Variants in COMMD1 observed in about 807,000 individuals in gnomAD.
COMMD1 encodes COMM domain-containing protein 1.
In COMMD1, 10 loss-of-function variants were observed where a neutral mutation model predicts 17.2. The ratio of observed to expected loss-of-function variants is 0.58; its 90% confidence interval spans 0.36 to 0.99. The LOEUF (loss-of-function observed/expected upper bound fraction) is 0.99. Ranked by LOEUF, COMMD1 falls within the 50% of genes least tolerant of loss-of-function variation. COMMD1 has a pLI of 0.01. For missense variants in COMMD1, 270 were observed against 231.8 expected (o/e 1.17, Z -1.07); for synonymous variants, 97 against 91.6 (o/e 1.06, Z -0.34).
Position 61,949,734 on chromosome 2 carries a change from G to A in COMMD1, c.180+43876G>A, listed in dbSNP as rs1254446073. On this transcript the variant is annotated intron_variant, in intron 1 of 2. Transcript: ENST00000311832. ...CAAAAGTGAGATACTTTTGACACTG[G>A]GTAGGTGATGCTGAAATGGGATTCC... Among the ~76,000 whole-genome samples the A allele has an allele frequency of 2.0e-5, 3 of 152,226 alleles. No homozygotes were observed. In the South Asian group the frequency reaches 6.2e-4, roughly 31 times the overall value.
At chr2:62,033,734 A>G (rs1669969915) in intron 2 of COMMD1, among the ~76,000 whole-genome samples, 1 of 152,206 alleles carries the variant, frequency 6.6e-6, no homozygotes, top group Non-Finnish European at 1.5e-5. Context: ...ATTAGATAGC[A>G]CATTAGAGAG....
intron 1 of COMMD1, among the ~76,000 whole-genome samples, chr2:61,969,776 A>C (rs185959190): frequency 6.6e-6 from 1 of 152,140 alleles, no homozygotes; most frequent in Non-Finnish European, 1.5e-5. Context: ...GCAAATATTT[A>C]TGTCTCAGGT....
intron 2 of COMMD1, among the ~76,000 whole-genome samples, chr2:62,073,366 GCTTTAT>G (rs1343690171): frequency 6.6e-6 from 1 of 152,122 alleles, no homozygotes; most frequent in Non-Finnish European, 1.5e-5. Context: ...TACCCATGAG[GCTTTAT>G]GTATATAACA....
intron 2 of COMMD1, among the ~76,000 whole-genome samples, chr2:62,080,093 A>G (rs1217149834): frequency 3.9e-5 from 6 of 152,124 alleles, no homozygotes; most frequent in African/African-American, 1.4e-4. Context: ...TCTTGTACCT[A>G]CCTATGGTAA....
intron 1 of COMMD1, among the ~76,000 whole-genome samples, chr2:61,948,862 G>A (rs1670981132): frequency 6.6e-6 from 1 of 152,204 alleles, no homozygotes; most frequent in South Asian, 2.1e-4. Context: ...TCTCCCTAGG[G>A]AAGGAGCAGA....
chr2:62,019,037 C>T (rs1669532751), intron 2 of COMMD1, among the ~76,000 whole-genome samples: 1 of 142,098 alleles, frequency 7.0e-6, no homozygotes, highest in African/African-American at 2.7e-5. Context: ...CTCCCTCCCT[C>T]CCTCCCTCCT....
At chr2:62,129,006 G>A (rs1415794504) in intron 2 of COMMD1, among the ~76,000 whole-genome samples, 1 of 151,572 alleles carries the variant, frequency 6.6e-6, no homozygotes, top group East Asian at 1.9e-4. Flanking sequence ...TCAAATATTG[G>A]TTCTAGCTTA....
intron 2 of COMMD1, among the ~76,000 whole-genome samples, chr2:62,037,472 T>A (rs1335799009): frequency 1.3e-5 from 2 of 152,238 alleles, no homozygotes; most frequent in Non-Finnish European, 2.9e-5. Context: ...TTATTTCCAT[T>A]AATATATATT....
intron 2 of COMMD1, among the ~76,000 whole-genome samples, chr2:62,066,222 C>T (rs962760923): frequency 6.6e-6 from 1 of 152,108 alleles, no homozygotes; most frequent in African/African-American, 2.4e-5. Flanking sequence ...CACAGATACT[C>T]CCTACCCCAC....
Position 61,951,786 on chromosome 2 carries a change from G to A in COMMD1, c.180+45928G>A, listed in dbSNP as rs189019527. Among the ~76,000 whole-genome samples the A allele has an allele frequency of 1.9e-3, 282 of 152,118 alleles. 1 individual carries two copies. The highest frequency in any genetic ancestry group is 6.8e-3 in the Middle Eastern group (2 of 294). On this transcript the variant is annotated intron_variant, in intron 1 of 2. Transcript: ENST00000311832. ...TCTCCAGTGTCCCTTTAAAAATTTCGCCCTTGATTCTCCCCAAACCATCCC... is the reference window on the plus strand; with the variant it reads ...TCTCCAGTGTCCCTTTAAAAATTTCACCCTTGATTCTCCCCAAACCATCCC...
chr2:61,963,476 C>A (rs1462743019), intron 1 of COMMD1, among the ~76,000 whole-genome samples: 2 of 152,046 alleles, frequency 1.3e-5, no homozygotes, highest in African/African-American at 4.8e-5. Flanking sequence ...CCTGTCTCAG[C>A]CTCCTGAGTG....
chr2:62,048,690 T>A, intron 2 of COMMD1, among the ~76,000 whole-genome samples: 1 of 148,014 alleles, frequency 6.8e-6, no homozygotes, highest in Admixed American at 6.7e-5. Context: ...TTTTTCTCGT[T>A]TTTTTTTTTA....
intron 1 of COMMD1, among the ~76,000 whole-genome samples, chr2:61,931,735 A>T (rs1045198498): frequency 6.6e-6 from 1 of 152,212 alleles, no homozygotes; most frequent in African/African-American, 2.4e-5. Context: ...GCTCACTGCT[A>T]CTTGACATAA....
intron 1 of COMMD1, among the ~76,000 whole-genome samples, chr2:61,911,839 C>T (rs1408713976): frequency 1.3e-5 from 2 of 152,184 alleles, no homozygotes; most frequent in Non-Finnish European, 2.9e-5. Context: ...TGCCCTAGGC[C>T]ACAGGTCCTT....
intron 2 of COMMD1, among the ~76,000 whole-genome samples, chr2:62,109,173 C>T (rs1672390812): frequency 6.6e-6 from 1 of 152,174 alleles, no homozygotes; most frequent in Non-Finnish European, 1.5e-5. Context: ...TATTTCCTAT[C>T]TCTTAATTGA....
chr2:62,051,452 A>G (rs2103918538), intron 2 of COMMD1, among the ~76,000 whole-genome samples: 1 of 152,338 alleles, frequency 6.6e-6, no homozygotes, highest in South Asian at 2.1e-4. Flanking sequence ...TTTTTCATAT[A>G]TGCATCTTAA....
At chr2:62,012,507 G>A (rs527975850) in intron 2 of COMMD1, among the ~76,000 whole-genome samples, 1 of 151,812 alleles carries the variant, frequency 6.6e-6, no homozygotes, top group Non-Finnish European at 1.5e-5. Context: ...TAGTAGAGAC[G>A]GGGTTTCTCC....
At chr2:61,972,743 C>T (rs901136409) in intron 1 of COMMD1, among the ~76,000 whole-genome samples, 3 of 152,202 alleles carry the variant, frequency 2.0e-5, no homozygotes, top group Non-Finnish European at 2.9e-5. Flanking sequence ...TCAAAACTGT[C>T]ATGAATTAGG....
chr2:61,993,819 G>C (rs1263392987), intron 1 of COMMD1, among the ~76,000 whole-genome samples: 1 of 152,178 alleles, frequency 6.6e-6, no homozygotes, highest in Non-Finnish European at 1.5e-5. Flanking sequence ...TTTTGTCACA[G>C]ATGAAATTAT....
Sources: gnomAD v4.1 joint callset for allele counts (sites outside exome capture counted in the v4.1 genomes callset) on GRCh38, gnomAD v4.1.1 for gene constraint, MANE v1.5 for transcripts, NCBI Gene and HGNC (gene_info 2026-07-23, HGNC 2026-07-21) for gene names.